Variants in NDST1 observed in about 807,000 individuals in gnomAD.
NDST1 encodes the protein bifunctional heparan sulfate N-deacetylase/N-sulfotransferase 1.
NDST1 carries 35 observed loss-of-function variants against 92.8 expected under a neutral mutation model. That is an observed-to-expected ratio of 0.38 (90% CI 0.29 to 0.50). NDST1 has a LOEUF of 0.50. NDST1 is among the 20% of genes least tolerant of loss of function. NDST1 has a pLI of 0.94. For synonymous variants in NDST1, 493 were observed against 500.3 expected, an observed-to-expected ratio of 0.99 and a Z score of 0.19; for missense variants, 822 against 1,182.7, an observed-to-expected ratio of 0.69 and a Z score of 4.47.
At chr5:150,535,540 T>C in intron 5 of NDST1, 160 bp from the exon 6 acceptor site, 1 of 674,566 alleles carries the variant, frequency 1.5e-6, no homozygotes, top group Non-Finnish European at 1.8e-6. Context: ...GCACATTCCT[T>C]GCCCTCCCAG....
chr5:150,502,936 G>C (rs1753298003), intron 1 of NDST1, among the ~76,000 whole-genome samples: 1 of 152,140 alleles, frequency 6.6e-6, no homozygotes, highest in Non-Finnish European at 1.5e-5. Flanking sequence ...GAGGGTGGCA[G>C]GGAGCATTTG....
intron 6 of NDST1, among the ~76,000 whole-genome samples, 171 bp downstream of exon 6, chr5:150,536,056 G>A (rs1483574582): frequency 7.9e-5 from 12 of 152,218 alleles, no homozygotes; most frequent in Non-Finnish European, 1.3e-4. Flanking sequence ...GGGAAGGTGG[G>A]CTGCCACTCC....
chr5:150,528,993 G>C (rs767117717), intron 3 of NDST1, among the ~76,000 whole-genome samples: 2 of 152,146 alleles, frequency 1.3e-5, no homozygotes, highest in Non-Finnish European at 2.9e-5. Context: ...GTTAATGTCA[G>C]AGCGCCTACA....
chr5:150,521,699 G>T lies in NDST1; in HGVS notation c.445G>T (p.Ala149Ser), dbSNP rs375384137. The change falls in exon 2 of 15, where the codon GCC (alanine) becomes TCC (serine). Residue 149 changes from alanine to serine, a missense_variant. Coordinates refer to ENST00000261797, the MANE Select transcript of NDST1 (RefSeq NM_001543.5). The surrounding 1 kb of genome is among the most constrained non-coding windows in gnomAD (Gnocchi z 5.9). ...ENILKYVNLDAWNRELLDKYC... is the reference protein window; with the variant it reads ...ENILKYVNLDSWNRELLDKYC... ...CATCCTCAAGTATGTCAACCTGGAC[G>T]CCTGGAACCGGGAGCTGCTGGACAA... The T allele has an allele frequency of 6.8e-6, 11 of 1,613,934 alleles. No homozygotes were observed. The highest frequency in any genetic ancestry group is 8.5e-6 in the Non-Finnish European group (10 of 1,180,042).
chr5:150,551,930 C>T, intron 14 of NDST1, 75 bp downstream of exon 14: 1 of 1,579,372 alleles, frequency 6.3e-7, no homozygotes, highest in Non-Finnish European at 8.6e-7. Context: ...GGGGGATTCT[C>T]TTTCCTTTAC....
Position 150,535,713 on chromosome 5 carries a change from C to T in NDST1, c.1265C>T (p.Pro422Leu), listed in dbSNP as rs1177841215. The T allele has an allele frequency of 1.2e-6, 2 of 1,614,220 alleles. No homozygotes were observed. The highest frequency in any genetic ancestry group is 2.2e-5 in the East Asian group (1 of 44,882). ...NKKFAVEHGIPTDMGYAVAPH... is the reference protein window; with the variant it reads ...NKKFAVEHGILTDMGYAVAPH... ...TCCTCTCCCTAGGAGCATGGCATTCCCACAGACATGGGGTATGCAGTGGCG... is the reference window on the plus strand; with the variant it reads ...TCCTCTCCCTAGGAGCATGGCATTCTCACAGACATGGGGTATGCAGTGGCG... The change falls in exon 6 of 15, where the codon CCC becomes CTC. Residue 422 changes from proline to leucine, a missense_variant. Physicochemically the swap from Pro to Leu is moderately conservative, Grantham distance 98. Transcript: ENST00000261797.
intron 1 of NDST1, among the ~76,000 whole-genome samples, chr5:150,498,665 C>T (rs746391149): frequency 2.6e-5 from 4 of 152,198 alleles, no homozygotes; most frequent in Non-Finnish European, 5.9e-5. Context: ...CCTTTTGTCC[C>T]TCCATTGTCT....
intron 2 of NDST1, among the ~76,000 whole-genome samples, chr5:150,526,724 A>T (rs777472051): frequency 1.3e-5 from 2 of 152,232 alleles, no homozygotes; most frequent in Non-Finnish European, 2.9e-5. Context: ...TTGGGTGTGA[A>T]TTATGAGCAG....
upstream of NDST1, among the ~76,000 whole-genome samples, chr5:150,505,126 C>T (rs1363327963): frequency 3.3e-5 from 5 of 152,208 alleles, no homozygotes; most frequent in Non-Finnish European, 5.9e-5. Context: ...AATGGCACAG[C>T]GGTGGCTGTG....
intron 1 of NDST1, among the ~76,000 whole-genome samples, chr5:150,501,908 C>T (rs928987914): frequency 5.9e-5 from 9 of 152,120 alleles, no homozygotes; most frequent in African/African-American, 1.9e-4. Context: ...CAGTAGACTC[C>T]GGGAGGGTGG....
rs762910718 is a variant in NDST1 at position 150,548,396 on chromosome 5, C to T, written c.2316+8C>T. The T allele has an allele frequency of 3.1e-6, 5 of 1,608,866 alleles. No homozygotes were observed. The highest frequency in any genetic ancestry group is 3.4e-6 in the Non-Finnish European group (4 of 1,179,978). ...GCCTATCACGCCAACCAGGTAGCTG[C>T]TGTCCCTGACCCTTGTGAGGGCAGT... On this transcript the variant is annotated splice_region_variant and intron_variant, in intron 12 of 14. Coordinates refer to ENST00000261797, the MANE Select transcript of NDST1 (RefSeq NM_001543.5).
At chr5:150,539,869 T>C (rs917982884) in intron 7 of NDST1, 1 of 881,180 alleles carries the variant, frequency 1.1e-6, no homozygotes, top group African/African-American at 1.8e-5. Context: ...CTGCTTTCCA[T>C]TTCAGGATTG....
chr5:150,548,012 C>T (rs1183050598), intron 11 of NDST1, among the ~76,000 whole-genome samples: 1 of 152,112 alleles, frequency 6.6e-6, no homozygotes, highest in Non-Finnish European at 1.5e-5. Flanking sequence ...GTCCAGTTCC[C>T]GTATTTCAAA....
In NDST1 at chr5:150,545,459, C is replaced by G; in HGVS notation, c.2118C>G (p.Pro706=). Residue 706 remains proline (P), a synonymous_variant, in exon 11 of 15, where the codon CCC becomes CCG. Transcript: ENST00000261797. ...KAKVLTILIN[P]ADRAYSWYQH... is the part of the protein sequence containing the mutation. Reference sequence around the variant, plus strand: ...AGGTCCTGACCATCCTCATCAACCCCGCGGACCGGGCCTATTCCTGGTACC... The same window carrying G: ...AGGTCCTGACCATCCTCATCAACCCGGCGGACCGGGCCTATTCCTGGTACC... The G allele has an allele frequency of 6.2e-7, 1 of 1,614,256 alleles. No individual in the cohort carries two copies.
At chr5:150,536,564 TTTTC>T (rs998982148) in intron 6 of NDST1, among the ~76,000 whole-genome samples, 12 of 152,098 alleles carry the variant, frequency 7.9e-5, no homozygotes, top group African/African-American at 2.9e-4. Flanking sequence ...ATCCCTTTTT[TTTTC>T]TTTCTTTCTT....
intron 10 of NDST1, 134 bp downstream of exon 10, chr5:150,543,105 T>A: frequency 8.4e-7 from 1 of 1,195,082 alleles, no homozygotes; most frequent in Non-Finnish European, 1.2e-6. Context: ...AGGGACAAAG[T>A]GCAGTGACCC....
At chr5:150,506,149 C>T (rs113028523), upstream of NDST1, among the ~76,000 whole-genome samples, 4 of 152,212 alleles carry the variant, frequency 2.6e-5, no homozygotes, top group Admixed American at 6.5e-5. Context: ...CTAGCTGTGT[C>T]GCACAGGTTG....
chr5:150,548,493 C>T, intron 12 of NDST1, 105 bp downstream of exon 12: 8 of 1,254,556 alleles, frequency 6.4e-6, no homozygotes, highest in Non-Finnish European at 9.0e-6. Flanking sequence ...ACAGATATGC[C>T]CTCCTTGGAG....
At chr5:150,531,086 C>T (rs1166091746) in intron 3 of NDST1, among the ~76,000 whole-genome samples, 2 of 150,702 alleles carry the variant, frequency 1.3e-5, no homozygotes, top group Admixed American at 1.3e-4. Context: ...TTTCTTTAAT[C>T]CCAAGCACAG....
Sources: gnomAD v4.1 joint callset for allele counts (sites outside exome capture counted in the v4.1 genomes callset) on GRCh38, gnomAD v4.1.1 for gene constraint, Gnocchi (gnomAD v3.1) non-coding constraint, MANE v1.5 for transcripts, NCBI Gene and HGNC (gene_info 2026-07-23, HGNC 2026-07-21) for gene names.